CTDSPL2: variants seen among roughly 807,000 people sequenced by gnomAD.
The protein encoded by CTDSPL2 is CTD small phosphatase-like protein 2.
CTDSPL2 carries 5 observed loss-of-function variants against 60.0 expected under a neutral mutation model. The ratio of observed to expected loss-of-function variants is 0.08; its 90% CI spans 0.04 to 0.18. The LOEUF (loss-of-function observed/expected upper bound fraction) is 0.18, where lower values mean the gene tolerates loss of function less well. Ranked by LOEUF, CTDSPL2 falls within the 10% of genes least tolerant of loss-of-function variation. CTDSPL2 has a pLI of 1.00. For missense variants in CTDSPL2, 370 were observed against 548.8 expected (o/e 0.67, Z 3.26); for synonymous variants, 186 against 189.3 (o/e 0.98, Z 0.14).
At chr15:44,496,911 A>T in intron 6 of CTDSPL2, 116 bp from the exon 7 acceptor site, 2 of 554,260 alleles carry the variant, frequency 3.6e-6, no homozygotes, top group Non-Finnish European at 3.3e-6. Flanking sequence ...AATATGTTTT[A>T]TAAGTTTTGT....
At chr15:44,464,720 T>G (rs2080648209) in intron 2 of CTDSPL2, among the ~76,000 whole-genome samples, 1 of 152,170 alleles carries the variant, frequency 6.6e-6, no homozygotes. Flanking sequence ...TTTGTGCGTG[T>G]ATGTGAGACA....
intron 2 of CTDSPL2, among the ~76,000 whole-genome samples, chr15:44,483,048 C>T (rs1019134638): frequency 1.3e-5 from 2 of 152,040 alleles, no homozygotes; most frequent in African/African-American, 4.8e-5. Flanking sequence ...ATCACGAGGT[C>T]AGGAGTTCGA....
chr15:44,436,285 C>T (rs1296764601), intron 1 of CTDSPL2, among the ~76,000 whole-genome samples: 1 of 152,008 alleles, frequency 6.6e-6, no homozygotes, highest in Non-Finnish European at 1.5e-5. Flanking sequence ...CTGGAGGAGA[C>T]CAAAGAGGTC....
chr15:44,434,071 G>GTTATTTATTTATTTAT (rs574610723), intron 1 of CTDSPL2, among the ~76,000 whole-genome samples: 3 of 151,514 alleles, frequency 2.0e-5, no homozygotes, highest in African/African-American at 7.3e-5. Context: ...AAAAATCATT[G>GTTATTTATTTATTTAT]TTATTTATTT....
chr15:44,491,066 T>A, intron 5 of CTDSPL2, 67 bp downstream of exon 5: 1 of 1,285,464 alleles, frequency 7.8e-7, no homozygotes, highest in East Asian at 2.3e-5. Flanking sequence ...TATTTCATAT[T>A]TTTTCTTAAA....
intron 1 of CTDSPL2, among the ~76,000 whole-genome samples, chr15:44,454,318 A>G (rs573734260): frequency 2.0e-5 from 3 of 152,156 alleles, no homozygotes; most frequent in East Asian, 1.9e-4. Context: ...TGTAGATTCC[A>G]GATATTAGCC....
chr15:44,466,437 C>T (rs1246064816), intron 2 of CTDSPL2, among the ~76,000 whole-genome samples: 1 of 152,198 alleles, frequency 6.6e-6, no homozygotes, highest in Non-Finnish European at 1.5e-5. Flanking sequence ...AAGATTCATT[C>T]ATATTCATTC....
chr15:44,502,655 G>T (rs890744412), intron 8 of CTDSPL2, among the ~76,000 whole-genome samples: 15 of 152,118 alleles, frequency 9.9e-5, no homozygotes, highest in Non-Finnish European at 7.4e-5. Flanking sequence ...GGCCACCATA[G>T]TTTGCTGATT....
In CTDSPL2 at chr15:44,442,343, A is replaced by G. The variant is rs546977700; in HGVS notation, c.-25+14571A>G. Among the ~76,000 whole-genome samples the G allele has an allele frequency of 1.0e-3, 156 of 151,620 alleles. 1 individual carries two copies. Among genetic ancestry groups the G allele is most frequent in the African/African-American group, 3.6e-3 (148 of 41,360 alleles). On this transcript the variant is annotated intron_variant, in intron 1 of 12. Transcript: ENST00000260327. Reference sequence around the variant, plus strand: ...ACGCCTGTAATCCCAGCTACTCGGGATGCTGAGGCAGGAGAATTGCTTGAA... The same window carrying G: ...ACGCCTGTAATCCCAGCTACTCGGGGTGCTGAGGCAGGAGAATTGCTTGAA...
intron 1 of CTDSPL2, among the ~76,000 whole-genome samples, chr15:44,430,358 G>C (rs2079832506): frequency 6.6e-6 from 1 of 152,040 alleles, no homozygotes; most frequent in South Asian, 2.1e-4. Context: ...CAGTCCTCCT[G>C]CTTCAGCCTC....
intron 2 of CTDSPL2, among the ~76,000 whole-genome samples, chr15:44,470,850 G>C (rs1417186360): frequency 3.3e-5 from 5 of 151,834 alleles, no homozygotes; most frequent in African/African-American, 1.2e-4. Flanking sequence ...CCCATCTTTT[G>C]TTTCTCTTTT....
intron 2 of CTDSPL2, among the ~76,000 whole-genome samples, chr15:44,480,005 A>G (rs548530325): frequency 2.1e-4 from 32 of 152,052 alleles, no homozygotes; most frequent in Admixed American, 1.1e-3. Context: ...TTTTATTTCT[A>G]CCATGTGTTT....
At chr15:44,488,257 A>G (rs2081155424) in intron 4 of CTDSPL2, among the ~76,000 whole-genome samples, 1 of 152,214 alleles carries the variant, frequency 6.6e-6, no homozygotes, top group Admixed American at 6.5e-5. Context: ...TAGATTCTGA[A>G]GAGGCCATAG....
intron 1 of CTDSPL2, among the ~76,000 whole-genome samples, chr15:44,452,177 A>G (rs905013075): frequency 1.3e-5 from 2 of 152,228 alleles, no homozygotes; most frequent in African/African-American, 4.8e-5. Context: ...TAAAATTTTG[A>G]CAAAAAGATA....
chr15:44,524,370 A>T lies in CTDSPL2; in HGVS notation c.*196A>T. ...CTCAGATCGAATACATATAGTAGGT[A>T]GGCTAAAACAGAAGAGTCTTTAGAA... On this transcript the variant is annotated 3_prime_UTR_variant, in exon 13 of 13. Coordinates refer to ENST00000260327, the MANE Select transcript of CTDSPL2 (RefSeq NM_016396.3). The T allele has an allele frequency of 1.8e-6, 1 of 554,468 alleles. No homozygotes were observed. Among genetic ancestry groups the T allele is most frequent in the Non-Finnish European group, 3.2e-6 (1 of 311,904 alleles). 34.3% of individuals were successfully genotyped at this position (554,468 alleles called of 1,614,324 possible). A position where few individuals can be genotyped will look rare whatever the true frequency, so the allele number is the denominator to read the frequency against.
chr15:44,459,052 A>G lies in CTDSPL2; in HGVS notation c.38A>G (p.Asn13Ser), dbSNP rs1385376275. ...ACACGGAAAGCTTCTCAGCAGTCAA[A>G]TCAAATCCAAACACAACGCACTGCC... The part of the protein sequence containing the change: ...LRTRKASQQS[N>S]QIQTQRTARA... The change falls in exon 2 of 13, where the codon AAT (asparagine) becomes AGT (serine). Residue 13 changes from asparagine (N) to serine (S), a missense_variant. This residue lies in a region of CTDSPL2 where 287 missense variants were observed against 296.1 expected (regional missense o/e 0.97). Transcript: ENST00000260327. 5 of 1,607,802 alleles carry G rather than the reference A, an allele frequency of 3.1e-6. No individual in the cohort carries two copies. Among genetic ancestry groups the G allele is most frequent in the East Asian group, 2.3e-5 (1 of 44,278 alleles).
intron 1 of CTDSPL2, among the ~76,000 whole-genome samples, chr15:44,450,114 TG>T (rs1382818114): frequency 6.6e-6 from 1 of 152,192 alleles, no homozygotes; most frequent in Non-Finnish European, 1.5e-5. Context: ...GTGTTTTTGC[TG>T]TGGTTGGAGA....
At chr15:44,436,287 A>G (rs181467641) in intron 1 of CTDSPL2, among the ~76,000 whole-genome samples, 1 of 152,336 alleles carries the variant, frequency 6.6e-6, no homozygotes, top group Admixed American at 6.5e-5. Context: ...GGAGGAGACC[A>G]AAGAGGTCAT....
At chr15:44,446,714 AAAAGAGAG>A (rs1595704037) in intron 1 of CTDSPL2, among the ~76,000 whole-genome samples, 1 of 151,550 alleles carries the variant, frequency 6.6e-6, no homozygotes, top group Non-Finnish European at 1.5e-5. Context: ...GCAAAAAAAA[AAAAGAGAG>A]AAAGAGAAAG....
Sources: allele counts gnomAD v4.1 joint callset (sites outside exome capture counted in the v4.1 genomes callset), GRCh38; gene constraint gnomAD v4.1.1; regional missense constraint gnomAD v4.1.1; transcripts MANE v1.5; gene names NCBI Gene and HGNC (gene_info 2026-07-23, HGNC 2026-07-21).